Variants in SAMMSON observed in about 807,000 individuals in gnomAD.
SAMMSON encodes survival associated mitochondrial melanoma specific oncogenic non-coding RNA.
At chr3:70,355,617 GA>G (rs1197263436) in intron 8 of SAMMSON, among the ~76,000 whole-genome samples, 2 of 152,058 alleles carry the variant, frequency 1.3e-5, no homozygotes, top group South Asian at 2.1e-4. Context: ...CAGGAGAGGG[GA>G]AAAAAATCTT....
intron 4 of SAMMSON, among the ~76,000 whole-genome samples, chr3:70,141,985 C>G (rs532136621): frequency 3.2e-4 from 48 of 152,166 alleles, no homozygotes; most frequent in African/African-American, 1.0e-3. Flanking sequence ...AAAGTGATAC[C>G]ACCTTACTCC....
At chr3:70,204,521 C>G (rs796584891) in intron 4 of SAMMSON, 5 of 152,234 alleles carry the variant, frequency 3.3e-5, no homozygotes, top group African/African-American at 9.6e-5. Context: ...AGATTTTTCA[C>G]ACGGGAGGAA....
chr3:70,096,267 G>A (rs2067322556), intron 4 of SAMMSON, among the ~76,000 whole-genome samples: 1 of 152,174 alleles, frequency 6.6e-6, no homozygotes, highest in Admixed American at 6.5e-5. Flanking sequence ...AGTCTTGGCT[G>A]GTGCAGTGGC....
intron 7 of SAMMSON, among the ~76,000 whole-genome samples, chr3:70,315,475 A>G (rs1311696044): frequency 6.6e-6 from 1 of 152,154 alleles, no homozygotes; most frequent in East Asian, 1.9e-4. Context: ...ATAATATTCC[A>G]TTTTTGTCAT....
At chr3:70,171,890 T>A (rs1313237152) in intron 4 of SAMMSON, among the ~76,000 whole-genome samples, 4 of 151,876 alleles carry the variant, frequency 2.6e-5, no homozygotes, top group Non-Finnish European at 5.9e-5. Context: ...AGGTATAGAA[T>A]TCAGCTGAAA....
chr3:70,125,480 T>C, intron 4 of SAMMSON: 2 of 754,546 alleles, frequency 2.7e-6, no homozygotes, highest in Non-Finnish European at 4.5e-6. Context: ...TTCATCAGAG[T>C]CTTTTTTAAT....
chr3:70,308,898 G>T (rs937498687), intron 7 of SAMMSON, among the ~76,000 whole-genome samples: 12 of 152,148 alleles, frequency 7.9e-5, no homozygotes, highest in African/African-American at 2.9e-4. Context: ...TGAAGTGCTT[G>T]TTCCAAGCCG....
chr3:70,188,242 C>T (rs191630982), intron 4 of SAMMSON, among the ~76,000 whole-genome samples: 2 of 152,262 alleles, frequency 1.3e-5, no homozygotes, highest in East Asian at 3.9e-4. Flanking sequence ...ATCTACTCTG[C>T]CATTGTGTTG....
intron 4 of SAMMSON, chr3:70,127,182 C>T (rs2067462793): frequency 6.6e-6 from 1 of 152,108 alleles, no homozygotes; most frequent in South Asian, 2.1e-4. Flanking sequence ...TAAAGCAAAG[C>T]TTCCCAAATA....
rs111792704 is a variant in SAMMSON, at chr3:70,274,056, C to CGTGTGTGTGTGT, written n.675-17099_675-17088dup. Among the ~76,000 whole-genome samples, 553 of 142,930 alleles carry CGTGTGTGTGTGT rather than the reference C, an allele frequency of 3.9e-3. 5 individuals carry two copies. The highest frequency in any genetic ancestry group is 0.025 in the East Asian group (118 of 4,732). The allele number at this position is 142,930 out of a possible 152,430, so 93.8% of individuals were successfully genotyped here. ...AAATAAAAGTAAGAAATTAAACCTCCGTGTGTGTGTGTGTGTGTGTGTGTG... is the reference window on the plus strand; with the variant it reads ...AAATAAAAGTAAGAAATTAAACCTCCGTGTGTGTGTGTGTGTGTGTGTGTGTGTGTGTGTGTG... On this transcript the variant is annotated intron_variant and non_coding_transcript_variant, in intron 6 of 9. Transcript: ENST00000642114.
chr3:70,182,404 G>A (rs578197471), intron 4 of SAMMSON, among the ~76,000 whole-genome samples: 10 of 152,272 alleles, frequency 6.6e-5, no homozygotes, highest in Admixed American at 2.0e-4. Context: ...TAGGCTCTGA[G>A]AAAAGGCTCC....
intron 4 of SAMMSON, among the ~76,000 whole-genome samples, chr3:70,184,670 C>T (rs1449929515): frequency 6.6e-6 from 1 of 152,110 alleles, no homozygotes; most frequent in Non-Finnish European, 1.5e-5. Flanking sequence ...GAGATTAAAG[C>T]AGTAAGGTAA....
chr3:70,028,924 C>T (rs1423970117), intron 3 of SAMMSON, among the ~76,000 whole-genome samples: 1 of 152,154 alleles, frequency 6.6e-6, no homozygotes, highest in Admixed American at 6.5e-5. Context: ...TGAACTCAAG[C>T]AGGTACAGTT....
intron 2 of SAMMSON, among the ~76,000 whole-genome samples, chr3:70,395,800 A>C (rs1395913733): frequency 1.3e-5 from 2 of 152,076 alleles, no homozygotes; most frequent in Non-Finnish European, 2.9e-5. Context: ...CAATGCTCTA[A>C]GTTCTAGCTG....
chr3:70,121,087 C>T (rs571167890), intron 4 of SAMMSON, among the ~76,000 whole-genome samples: 21 of 152,296 alleles, frequency 1.4e-4, no homozygotes, highest in Admixed American at 1.3e-3. Context: ...ACAAGGAGCA[C>T]GCAATCTAGA....
chr3:70,091,766 A>T (rs1209806685), intron 4 of SAMMSON, among the ~76,000 whole-genome samples: 1 of 152,192 alleles, frequency 6.6e-6, no homozygotes, highest in Non-Finnish European at 1.5e-5. Context: ...TAGATGCTGG[A>T]GGAGCCTTCA....
chr3:70,336,121 C>A (rs1418632810), intron 7 of SAMMSON, among the ~76,000 whole-genome samples: 1 of 151,946 alleles, frequency 6.6e-6, no homozygotes, highest in Non-Finnish European at 1.5e-5. Flanking sequence ...TAGCACTCAG[C>A]ACCCAGAAAA....
At chr3:70,339,323 C>T (rs1702692157) in intron 7 of SAMMSON, among the ~76,000 whole-genome samples, 1 of 152,124 alleles carries the variant, frequency 6.6e-6, no homozygotes, top group Non-Finnish European at 1.5e-5. Flanking sequence ...TAGACAGTAC[C>T]ATTCAGGACA....
intron 4 of SAMMSON, among the ~76,000 whole-genome samples, chr3:70,226,688 A>G (rs963883750): frequency 1.3e-5 from 2 of 149,938 alleles, no homozygotes; most frequent in African/African-American, 2.5e-5. Flanking sequence ...CAGTGAGCCG[A>G]TATCGTGCCA....
Sources: gnomAD v4.1 joint callset for allele counts (sites outside exome capture counted in the v4.1 genomes callset) on GRCh38, gnomAD v4.1.1 for gene constraint, MANE v1.5 for transcripts, NCBI Gene and HGNC (gene_info 2026-07-23, HGNC 2026-07-21) for gene names.